Variants in CFAP263 observed in about 807,000 individuals in gnomAD.
The protein encoded by CFAP263 is cilia- and flagella-associated protein 263.
chr16:58,262,812 T>C, the CFAP263 span, among the ~76,000 whole-genome samples: 1 of 151,376 alleles, frequency 6.6e-6, no homozygotes, highest in Admixed American at 6.6e-5. Flanking sequence ...GATAGACAGA[T>C]GCTTAGTCTC....
chr16:58,272,312 G>A, the CFAP263 span, among the ~76,000 whole-genome samples: 66 of 152,234 alleles, frequency 4.3e-4, no homozygotes, highest in Admixed American at 1.8e-3. Context: ...CACCGCACCC[G>A]GCCAGATATT....
the CFAP263 span, among the ~76,000 whole-genome samples, chr16:58,278,871 A>G: frequency 1.8e-4 from 27 of 152,200 alleles, no homozygotes; most frequent in East Asian, 5.0e-3. Context: ...GAAACTCTGT[A>G]GTAATAGTGT....
chr16:58,254,193 C>A, the CFAP263 span: 4 of 1,611,624 alleles, frequency 2.5e-6, no homozygotes, highest in Non-Finnish European at 3.4e-6. Context: ...CTGTCCTGCC[C>A]AGGCTCCCCA....
the CFAP263 span, chr16:58,262,393 G>C: frequency 6.2e-7 from 1 of 1,608,704 alleles, no homozygotes; most frequent in Non-Finnish European, 8.5e-7. Flanking sequence ...AGAAGGAAGA[G>C]GTGAGTGAGG....
chr16:58,278,669 C>G, the CFAP263 span: 1 of 1,603,186 alleles, frequency 6.2e-7, no homozygotes, highest in Non-Finnish European at 8.5e-7. Flanking sequence ...GATGGGCAGT[C>G]TTTTATGTCT....
At chr16:58,271,944 A>G in the CFAP263 span, among the ~76,000 whole-genome samples, 1 of 152,148 alleles carries the variant, frequency 6.6e-6, no homozygotes, top group African/African-American at 2.4e-5. Flanking sequence ...ATTCTTCTGT[A>G]TAGGAGATTT....
At chr16:58,255,628 G>T in the CFAP263 span, among the ~76,000 whole-genome samples, 8 of 148,980 alleles carry the variant, frequency 5.4e-5, no homozygotes, top group African/African-American at 2.0e-4. Flanking sequence ...GGAGTGCAGT[G>T]GTGCGATCCC....
At chr16:58,278,401 G>A in the CFAP263 span, 1 of 1,278,556 alleles carries the variant, frequency 7.8e-7, no homozygotes. Flanking sequence ...TGGAACTATG[G>A]GGAGAGATGG....
chr16:58,257,893 A>C, the CFAP263 span, among the ~76,000 whole-genome samples: 7 of 152,282 alleles, frequency 4.6e-5, no homozygotes, highest in South Asian at 1.2e-3. Context: ...GGATCACCTG[A>C]GGTCAGGAGT....
chr16:58,267,133 G>A, the CFAP263 span, among the ~76,000 whole-genome samples: 3 of 152,168 alleles, frequency 2.0e-5, no homozygotes. Context: ...ACTCTACCAG[G>A]CTGTCTCCTG....
At chr16:58,280,103 TG>T in the CFAP263 span, 1 of 1,002,286 alleles carries the variant, frequency 1.0e-6, no homozygotes, top group Non-Finnish European at 1.5e-6. Flanking sequence ...GTGTATGCCA[TG>T]GGCTTATCCG....
the CFAP263 span, among the ~76,000 whole-genome samples, chr16:58,272,511 G>C: frequency 1.2e-3 from 186 of 152,246 alleles, no homozygotes; most frequent in African/African-American, 4.3e-3. Context: ...TTATTGTACT[G>C]AATGCTGTAG....
At chr16:58,252,875 C>G in the CFAP263 span, 1 of 1,611,532 alleles carries the variant, frequency 6.2e-7, no homozygotes, top group Non-Finnish European at 8.5e-7. Context: ...AGATCTAGAT[C>G]ATTCTTTTAT....
chr16:58,268,080 A>T, the CFAP263 span, among the ~76,000 whole-genome samples: 225 of 145,062 alleles, frequency 1.6e-3, no homozygotes, highest in African/African-American at 5.8e-3. Flanking sequence ...ACCATACGAC[A>T]TCTCGCCGAT....
the CFAP263 span, among the ~76,000 whole-genome samples, chr16:58,266,339 G>A: frequency 7.7e-6 from 1 of 129,266 alleles, no homozygotes; most frequent in Admixed American, 8.8e-5. Flanking sequence ...TCTTCACCTA[G>A]ACATACTGAT....
chr16:58,265,452 G>A, the CFAP263 span, among the ~76,000 whole-genome samples: 1 of 152,196 alleles, frequency 6.6e-6, no homozygotes, highest in African/African-American at 2.4e-5. Context: ...ATTCAAGAGG[G>A]GCCTCTGGGA....
chr16:58,275,093 A>T, the CFAP263 span, among the ~76,000 whole-genome samples: 4 of 152,366 alleles, frequency 2.6e-5, 1 homozygote, highest in South Asian at 8.3e-4. Context: ...GGCTAAACAG[A>T]CAGGAGGTAT....
the CFAP263 span, among the ~76,000 whole-genome samples, chr16:58,273,362 A>C: frequency 6.6e-6 from 1 of 151,948 alleles, no homozygotes; most frequent in Non-Finnish European, 1.5e-5. Flanking sequence ...CGAGACTGTT[A>C]ATTTTTCTTG....
At chr16:58,261,312 C>T in the CFAP263 span, among the ~76,000 whole-genome samples, 3 of 152,120 alleles carry the variant, frequency 2.0e-5, no homozygotes, top group African/African-American at 4.8e-5. Context: ...AAAATTCTGC[C>T]GTGAGTGGTC....
Sources: gnomAD v4.1 joint callset for allele counts (sites outside exome capture counted in the v4.1 genomes callset) on GRCh38, gnomAD v4.1.1 for gene constraint, MANE v1.5 for transcripts, NCBI Gene and HGNC (gene_info 2026-07-23, HGNC 2026-07-21) for gene names.